The following RABGEF1 variants were observed in gnomAD, a reference collection of about 807,000 sequenced individuals.
RABGEF1 encodes the protein RAB guanine nucleotide exchange factor 1.
A neutral mutation model predicts 57.3 loss-of-function variants in RABGEF1; 26 were observed. That is an observed-to-expected ratio of 0.45 (90% CI 0.33 to 0.63). The LOEUF is 0.63. Ranked by LOEUF, RABGEF1 falls within the 20% of genes least tolerant of loss-of-function variation. The pLI is 0.02. For synonymous variants in RABGEF1, 185 were observed against 210.7 expected, an observed-to-expected ratio of 0.88 and a Z score of 1.06; for missense variants, 464 against 607.6, an observed-to-expected ratio of 0.76 and a Z score of 2.48.
intron 2 of RABGEF1, among the ~76,000 whole-genome samples, chr7:66,732,538 T>G (rs1288815258): frequency 6.6e-6 from 1 of 152,060 alleles, no homozygotes; most frequent in African/African-American, 2.4e-5. Flanking sequence ...ACTCACCCTC[T>G]GCAAGCCTCC....
chr7:66,779,589 T>TTG (rs1809369102), intron 3 of RABGEF1, among the ~76,000 whole-genome samples: 1 of 151,714 alleles, frequency 6.6e-6, no homozygotes, highest in African/African-American at 2.4e-5. Context: ...GGAGGATCAT[T>TTG]TGTGCCTGGG....
chr7:66,659,834 C>T, the RABGEF1 span, among the ~76,000 whole-genome samples: 1 of 151,398 alleles, frequency 6.6e-6, no homozygotes, highest in Non-Finnish European at 1.5e-5. Flanking sequence ...AATCAGTCAC[C>T]TAACTATACA....
At chr7:66,699,225 A>C (rs1317125174) in intron 1 of RABGEF1, among the ~76,000 whole-genome samples, 1 of 152,156 alleles carries the variant, frequency 6.6e-6, no homozygotes, top group African/African-American at 2.4e-5. Context: ...ACCCATGTCC[A>C]GCCCAGGAGG....
upstream of RABGEF1, among the ~76,000 whole-genome samples, chr7:66,678,578 A>AG (rs1375052773): frequency 4.6e-5 from 7 of 151,694 alleles, no homozygotes; most frequent in African/African-American, 7.3e-5. Flanking sequence ...AAAAAAAAAA[A>AG]AAAAAAGAAA....
rs1809150230 is a variant in RABGEF1, at chr7:66,778,729, T to G, written c.346+3336T>G. Among the ~76,000 whole-genome samples, 4 of 152,144 alleles carry G rather than the reference T, an allele frequency of 2.6e-5. No homozygotes were observed. The South Asian group carries it at 8.3e-4, about 32-fold the overall frequency. ...GCTAGAGTAGGGAAAAAAGGGCCCCTTCAATATTTTGGGGACATTTCAGAA... is the reference window on the plus strand; with the variant it reads ...GCTAGAGTAGGGAAAAAAGGGCCCCGTCAATATTTTGGGGACATTTCAGAA... On this transcript the variant is annotated intron_variant, in intron 3 of 8. Transcript: ENST00000284957.
intron 1 of RABGEF1, among the ~76,000 whole-genome samples, chr7:66,751,211 A>G (rs1329688836): frequency 2.6e-5 from 4 of 152,168 alleles, no homozygotes; most frequent in African/African-American, 7.2e-5. Context: ...TTGTATTTTT[A>G]GTAGAGACGG....
intron 1 of RABGEF1, among the ~76,000 whole-genome samples, chr7:66,684,734 A>G (rs1318059145): frequency 2.0e-5 from 3 of 152,148 alleles, no homozygotes; most frequent in Non-Finnish European, 4.4e-5. Context: ...TCCAGGGTTC[A>G]TGCCATTCTC....
chr7:66,809,487 C>A lies in RABGEF1; in HGVS notation c.*203C>A. 1 of 502,628 alleles carries A rather than the reference C, an allele frequency of 2.0e-6. No individual in the cohort carries two copies. Among genetic ancestry groups the A allele is most frequent in the Non-Finnish European group, 3.3e-6 (1 of 304,940 alleles). The allele number at this position is 502,628 out of a possible 1,614,324, so 31.1% of individuals were successfully genotyped here. On this transcript the variant is annotated 3_prime_UTR_variant, in exon 9 of 9. Transcript: ENST00000284957. ...ATACTACTTATTTGAGTTACTGATA[C>A]AGATTCATTTAAGGCTTGTGTGCAA...
chr7:66,751,077 C>T (rs1464476901), intron 1 of RABGEF1, among the ~76,000 whole-genome samples: 3 of 148,120 alleles, frequency 2.0e-5, no homozygotes, highest in African/African-American at 5.0e-5. Flanking sequence ...GTCGCCTAGG[C>T]GGGAGTGCAG....
At chr7:66,771,325 G>A (rs1280796034) in intron 1 of RABGEF1, among the ~76,000 whole-genome samples, 1 of 152,050 alleles carries the variant, frequency 6.6e-6, no homozygotes, top group Non-Finnish European at 1.5e-5. Context: ...ATTTTTAGTA[G>A]AGACAGGGTT....
chr7:66,811,413 G>A lies in RABGEF1; in HGVS notation c.*2129G>A, dbSNP rs1017701593. 4 of 152,334 alleles carry A rather than the reference G, an allele frequency of 2.6e-5. No individual in the cohort carries two copies. The highest frequency in any genetic ancestry group is 5.9e-5 in the Non-Finnish European group (4 of 68,024). The allele number at this position is 152,334 out of a possible 1,614,324, so 9.4% of individuals were successfully genotyped here. On this transcript the variant is annotated 3_prime_UTR_variant, in exon 9 of 9. Coordinates refer to ENST00000284957, the MANE Select transcript of RABGEF1 (RefSeq NM_014504.3). ...GTAAATGTGACTGGAATACACCTTT[G>A]GAACGGAATTCTTTATCAATAAAGT...
rs1789195339 is a variant in RABGEF1, at chr7:66,809,676, A to G, written c.*392A>G. On this transcript the variant is annotated 3_prime_UTR_variant, in exon 9 of 9. Coordinates refer to ENST00000284957, the MANE Select transcript of RABGEF1 (RefSeq NM_014504.3). Reference sequence around the variant, plus strand: ...GTACCACTCTTCCACAGTTTGGAATAATTTTATAATTGTAAAGATAGAAAT... The same window carrying G: ...GTACCACTCTTCCACAGTTTGGAATGATTTTATAATTGTAAAGATAGAAAT... The G allele has an allele frequency of 6.3e-6, 1 of 157,896 alleles. No individual in the cohort carries two copies. Among genetic ancestry groups the G allele is most frequent in the Non-Finnish European group, 1.4e-5 (1 of 71,884 alleles). 9.8% of individuals were successfully genotyped at this position (157,896 alleles called of 1,614,324 possible).
At chr7:66,731,659 G>A (rs1272700438) in intron 2 of RABGEF1, among the ~76,000 whole-genome samples, 1 of 152,206 alleles carries the variant, frequency 6.6e-6, no homozygotes, top group Non-Finnish European at 1.5e-5. Flanking sequence ...CGAGACTGCA[G>A]TGAGCTATGA....
chr7:66,729,039 C>T (rs1239530304), intron 2 of RABGEF1, among the ~76,000 whole-genome samples: 1 of 151,790 alleles, frequency 6.6e-6, no homozygotes, highest in Admixed American at 6.6e-5. Flanking sequence ...CAACCTCTGC[C>T]TCCTGGGTTC....
At chr7:66,699,548 C>T (rs11766262) in intron 1 of RABGEF1, among the ~76,000 whole-genome samples, 46,137 of 151,992 alleles carry the variant, frequency 0.3, 8,655 homozygotes, top group Non-Finnish European at 0.42. Flanking sequence ...AAAAATTAGC[C>T]GAGCGTCGTG....
At chr7:66,801,608 T>C (rs193253458) in intron 7 of RABGEF1, among the ~76,000 whole-genome samples, 21 of 152,278 alleles carry the variant, frequency 1.4e-4, no homozygotes, top group African/African-American at 4.8e-4. Context: ...AGTGTTTAGC[T>C]CCCACCAATG....
At chr7:66,737,830 C>G (rs1798183215), upstream of RABGEF1, among the ~76,000 whole-genome samples, 1 of 152,132 alleles carries the variant, frequency 6.6e-6, no homozygotes, top group Non-Finnish European at 1.5e-5. Context: ...CGTGCCCCAG[C>G]CTGCTACTGC....
chr7:66,795,429 C>A, intron 4 of RABGEF1, 82 bp from the exon 5 acceptor site: 1 of 1,224,054 alleles, frequency 8.2e-7, no homozygotes, highest in Non-Finnish European at 1.2e-6. Context: ...CAAGGAATGG[C>A]TTTTGGAAAG....
At chr7:66,720,559 A>C (rs1225735153) in intron 2 of RABGEF1, among the ~76,000 whole-genome samples, 2 of 152,092 alleles carry the variant, frequency 1.3e-5, no homozygotes, top group African/African-American at 2.4e-5. Flanking sequence ...TATCTCAACC[A>C]GAAAAAATAC....
Sources: gnomAD v4.1 joint callset for allele counts (sites outside exome capture counted in the v4.1 genomes callset) on GRCh38, gnomAD v4.1.1 for gene constraint, MANE v1.5 for transcripts, NCBI Gene and HGNC (gene_info 2026-07-23, HGNC 2026-07-21) for gene names.